Variants in RCAN1 observed in about 807,000 individuals in gnomAD.
The protein encoded by RCAN1 is regulator of calcineurin 1.
In RCAN1, 11 loss-of-function variants were observed where a neutral mutation model predicts 22.9. The ratio of observed to expected loss-of-function variants is 0.48; its 90% CI spans 0.30 to 0.79. The LOEUF is 0.79. RCAN1 is among the 30% of genes least tolerant of loss of function. RCAN1 has a pLI of 0.06. For missense variants in RCAN1, 291 were observed against 337.8 expected, an observed-to-expected ratio of 0.86 and a Z score of 1.09; for synonymous variants, 136 against 142.3, an observed-to-expected ratio of 0.96 and a Z score of 0.32.
At chr21:34,595,321 T>C (rs1053096113) in intron 1 of RCAN1, among the ~76,000 whole-genome samples, 6 of 152,050 alleles carry the variant, frequency 3.9e-5, no homozygotes, top group African/African-American at 1.2e-4. Context: ...AAGAGGGTCA[T>C]CAAAAAAGGA....
intron 1 of RCAN1, among the ~76,000 whole-genome samples, chr21:34,610,464 A>G (rs1988654765): frequency 6.6e-6 from 1 of 152,200 alleles, no homozygotes; most frequent in African/African-American, 2.4e-5. Context: ...CAGGAGAAGG[A>G]AGCCTGCAGA....
intron 1 of RCAN1, among the ~76,000 whole-genome samples, chr21:34,613,523 CAAGT>C (rs1357757131): frequency 6.6e-6 from 1 of 152,210 alleles, no homozygotes; most frequent in Non-Finnish European, 1.5e-5. Context: ...TCCAACACTA[CAAGT>C]AAGTGCCGTC....
intron 1 of RCAN1, among the ~76,000 whole-genome samples, chr21:34,528,534 C>T (rs1194356732): frequency 1.3e-5 from 2 of 152,224 alleles, no homozygotes; most frequent in Non-Finnish European, 2.9e-5. Flanking sequence ...TGTATGCTTG[C>T]AGTCCTGCAT....
intron 3 of RCAN1, among the ~76,000 whole-genome samples, chr21:34,519,815 C>T (rs1033999000): frequency 3.9e-5 from 6 of 152,156 alleles, no homozygotes; most frequent in Non-Finnish European, 7.3e-5. Flanking sequence ...ACACTGGTTA[C>T]TCCTCTAAAC....
chr21:34,599,721 T>G (rs547435849), intron 1 of RCAN1, among the ~76,000 whole-genome samples: 93 of 152,200 alleles, frequency 6.1e-4, no homozygotes, highest in Admixed American at 1.4e-3. Flanking sequence ...ATTACTTTGA[T>G]AGTTAATTAC....
intron 1 of RCAN1, among the ~76,000 whole-genome samples, chr21:34,583,993 T>C (rs1321943661): frequency 1.3e-5 from 2 of 152,224 alleles, no homozygotes; most frequent in African/African-American, 4.8e-5. Context: ...AGTTTCTGTT[T>C]ACTCCCAATT....
chr21:34,523,458 CAT>C (rs1295636262), intron 2 of RCAN1, 77 bp downstream of exon 2: 5 of 1,413,148 alleles, frequency 3.5e-6, no homozygotes, highest in Middle Eastern at 2.1e-4. Flanking sequence ...CAGCATATAA[CAT>C]AAGCAACGTA....
chr21:34,555,641 AAGG>A (rs1986532687), intron 1 of RCAN1, among the ~76,000 whole-genome samples: 1 of 151,986 alleles, frequency 6.6e-6, no homozygotes, highest in Non-Finnish European at 1.5e-5. Context: ...GAAGTGTGGG[AAGG>A]AGGATTCCAT....
chr21:34,554,509 C>T (rs1986484190), intron 1 of RCAN1, among the ~76,000 whole-genome samples: 2 of 152,094 alleles, frequency 1.3e-5, no homozygotes, highest in African/African-American at 2.4e-5. Flanking sequence ...CACCTGAAGC[C>T]AGGGATGGTG....
chr21:34,536,827 C>A (rs146054249), intron 1 of RCAN1, among the ~76,000 whole-genome samples: 2 of 152,294 alleles, frequency 1.3e-5, no homozygotes, highest in African/African-American at 4.8e-5. Context: ...TCGTTTGTAT[C>A]CACACCCAGT....
rs1355527987 is a variant in RCAN1, at chr21:34,525,109, G to A, written c.253-1399C>T. 5 of 1,550,550 alleles carry A rather than the reference G, an allele frequency of 3.2e-6. No individual in the cohort carries two copies. In the East Asian group the frequency reaches 7.3e-5, roughly 23 times the overall value. The stretch of plus-strand genomic sequence containing the variant: ...GGACCTTGGAGAACCTATGGAAGGC[G>A]CAGTGTCTCTGCAGTGGGAGCGAGG... On this transcript the variant is annotated intron_variant, in intron 1 of 3. Transcript: ENST00000313806.
chr21:34,536,872 CTGT>C (rs1334055205), intron 1 of RCAN1, among the ~76,000 whole-genome samples: 1 of 152,232 alleles, frequency 6.6e-6, no homozygotes, highest in East Asian at 1.9e-4. Context: ...AAATGGTTTT[CTGT>C]TGTTGGTTTG....
Position 34,615,080 on chromosome 21 carries a change from C to T in RCAN1, c.-69G>A. On this transcript the variant is annotated 5_prime_UTR_variant, in exon 1 of 4. Coordinates refer to ENST00000313806, the MANE Select transcript of RCAN1 (RefSeq NM_004414.7). Reference sequence around the variant, plus strand: ...GGCTTGCGCGCCGGAGCCTCACGCGCTCCGGTCCGCGCCCGGCCGGCGGCT... The same window carrying T: ...GGCTTGCGCGCCGGAGCCTCACGCGTTCCGGTCCGCGCCCGGCCGGCGGCT... 7 of 1,007,570 alleles carry T rather than the reference C, an allele frequency of 6.9e-6. No homozygotes were observed. The highest frequency in any genetic ancestry group is 8.3e-6 in the Non-Finnish European group (7 of 845,164). The allele number at this position is 1,007,570 out of a possible 1,614,324, so 62.4% of individuals were successfully genotyped here. A position where few individuals can be genotyped will look rare whatever the true frequency, so the allele number is the denominator to read the frequency against.
At chr21:34,577,417 G>A (rs1337321924) in intron 1 of RCAN1, among the ~76,000 whole-genome samples, 2 of 152,076 alleles carry the variant, frequency 1.3e-5, no homozygotes, top group African/African-American at 2.4e-5. Flanking sequence ...GGGCAACATG[G>A]TGAAACCCTG....
intron 1 of RCAN1, among the ~76,000 whole-genome samples, chr21:34,571,218 G>A (rs908020249): frequency 1.2e-4 from 18 of 152,142 alleles, no homozygotes; most frequent in African/African-American, 3.6e-4. Context: ...ACTTGAACCC[G>A]GGAGGCGGAG....
chr21:34,525,175 T>G (rs1984943553), intron 1 of RCAN1: 2 of 1,550,622 alleles, frequency 1.3e-6, no homozygotes, highest in African/African-American at 2.7e-5. Flanking sequence ...GAATGTTCAC[T>G]GCTAGCAAGC....
chr21:34,563,792 TATAGAG>T (rs200218288), intron 1 of RCAN1, among the ~76,000 whole-genome samples: 1,327 of 74,674 alleles, frequency 0.018, 18 homozygotes, highest in Middle Eastern at 0.056. Flanking sequence ...TATATATATA[TATAGAG>T]AGAGAGAGAG....
intron 1 of RCAN1, among the ~76,000 whole-genome samples, chr21:34,597,978 T>A (rs1262905437): frequency 1.3e-5 from 2 of 152,070 alleles, no homozygotes; most frequent in Non-Finnish European, 2.9e-5. Context: ...TAAATACAAA[T>A]TAAAGAAATA....
intron 3 of RCAN1, 39 bp downstream of exon 3, chr21:34,521,460 T>C (rs372584845): frequency 3.7e-6 from 6 of 1,613,450 alleles, no homozygotes; most frequent in South Asian, 2.2e-5. Context: ...AGCAGCTGTG[T>C]CTCCCCCTGC....
Sources: gnomAD v4.1 joint callset for allele counts (sites outside exome capture counted in the v4.1 genomes callset) on GRCh38, gnomAD v4.1.1 for gene constraint, MANE v1.5 for transcripts, NCBI Gene and HGNC (gene_info 2026-07-23, HGNC 2026-07-21) for gene names.